CDKL1: variants seen among roughly 807,000 people sequenced by gnomAD.
CDKL1 encodes cyclin dependent kinase like 1, also known as cyclin-dependent kinase-like 1.
CDKL1 carries 41 observed loss-of-function variants against 42.0 expected under a neutral mutation model. The observed-to-expected ratio is 0.98, with a 90% CI of 0.76 to 1.27. The LOEUF (loss-of-function observed/expected upper bound fraction) is 1.27. Among genes scored for constraint, CDKL1 ranks in the 50% most tolerant of loss-of-function variants. The pLI is 0.00. For synonymous variants in CDKL1, 153 were observed against 158.6 expected (o/e 0.96, Z 0.26); for missense variants, 394 against 428.4 (o/e 0.92, Z 0.71).
intron 2 of CDKL1, among the ~76,000 whole-genome samples, chr14:50,364,611 T>C (rs1222649192): frequency 6.6e-6 from 1 of 152,132 alleles, no homozygotes; most frequent in Non-Finnish European, 1.5e-5. Context: ...ACTTATTAGC[T>C]GGTTGCCTCA....
Position 50,329,889 on chromosome 14 carries a change from A to G in CDKL1, c.*185T>C. ...GGTTTTTTCTTTTCTGGACACCATCATCAAGCATGGAAGACTGGATCTGGA... is the reference window on the plus strand; with the variant it reads ...GGTTTTTTCTTTTCTGGACACCATCGTCAAGCATGGAAGACTGGATCTGGA... On this transcript the variant is annotated 3_prime_UTR_variant, in exon 10 of 10. Transcript: ENST00000395834. 1 of 673,692 alleles carries G rather than the reference A, an allele frequency of 1.5e-6. No individual in the cohort carries two copies. Among genetic ancestry groups the G allele is most frequent in the Non-Finnish European group, 2.3e-6 (1 of 426,248 alleles). The allele number at this position is 673,692 out of a possible 1,614,324, so 41.7% of individuals were successfully genotyped here.
intron 3 of CDKL1, chr14:50,358,029 A>C (rs375216376): frequency 7.4e-7 from 1 of 1,354,748 alleles, no homozygotes; most frequent in East Asian, 4.6e-5. Context: ...CTCACCCTGC[A>C]AGAGGCTGCC....
intron 2 of CDKL1, among the ~76,000 whole-genome samples, chr14:50,389,131 A>C (rs1441971102): frequency 1.3e-5 from 2 of 151,200 alleles, no homozygotes; most frequent in Middle Eastern, 6.4e-3. Flanking sequence ...AAAGAGAGAG[A>C]AAAGAAAACT....
At chr14:50,390,192 G>C (rs1228151796) in intron 2 of CDKL1, 1 of 1,365,538 alleles carries the variant, frequency 7.3e-7, no homozygotes, top group South Asian at 1.1e-5. Context: ...TTTCTGGAGG[G>C]AGACATGTCA....
intron 7 of CDKL1, chr14:50,335,624 T>G: frequency 6.5e-7 from 1 of 1,529,894 alleles, no homozygotes. Context: ...GACATACCAC[T>G]GACAAAGGCT....
At chr14:50,353,379 T>TCCTTTCCA (rs1424277042) in intron 3 of CDKL1, among the ~76,000 whole-genome samples, 1 of 152,198 alleles carries the variant, frequency 6.6e-6, no homozygotes, top group Non-Finnish European at 1.5e-5. Context: ...ACAGAAGTCA[T>TCCTTTCCA]CCTTTCCACT....
At position 50,342,952 on chromosome 14, in the gene CDKL1, GCTCTGAGA is replaced by G. The variant is rs1566580022; in HGVS notation, c.364-738_364-731del. 4.1e-5 allele frequency: 56 copies of G among 1,357,572 alleles called. No individual in the cohort carries two copies. The Admixed American group carries it at 1.1e-3, about 26-fold the overall frequency. The allele number at this position is 1,357,572 out of a possible 1,614,324, so 84.1% of individuals were successfully genotyped here. On this transcript the variant is annotated intron_variant, in intron 4 of 9. Coordinates refer to ENST00000395834, the MANE Select transcript of CDKL1 (RefSeq NM_004196.7). ...TGTCAGCTCTGTCCCACACACAAGT[GCTCTGAGA>G]GCTGCAGCCACCCCTCGAGATGCGG...
intron 3 of CDKL1, among the ~76,000 whole-genome samples, chr14:50,350,208 G>T (rs143091503): frequency 4.5e-4 from 69 of 152,308 alleles, no homozygotes; most frequent in African/African-American, 1.6e-3. Context: ...ACTATGCCTG[G>T]CCTAAGGAAG....
chr14:50,361,920 G>A (rs1330113391), intron 2 of CDKL1, among the ~76,000 whole-genome samples: 2 of 152,378 alleles, frequency 1.3e-5, no homozygotes, highest in East Asian at 3.9e-4. Flanking sequence ...GCCAAGGCCG[G>A]AGCCGGCTCC....
chr14:50,339,218 T>C (rs1157020757), intron 6 of CDKL1, among the ~76,000 whole-genome samples, 189 bp from the exon 7 acceptor site: 1 of 152,116 alleles, frequency 6.6e-6, no homozygotes, highest in African/African-American at 2.4e-5. Flanking sequence ...GACAGCACAC[T>C]GTGTTAGGCA....
chr14:50,330,207 G>A (rs2032859950), intron 9 of CDKL1, 26 bp from the exon 10 acceptor site: 2 of 1,589,800 alleles, frequency 1.3e-6, no homozygotes, highest in Non-Finnish European at 1.7e-6. Flanking sequence ...ACAGAATTAG[G>A]TTCAAAACTG....
chr14:50,393,433 C>A (rs1850333972), intron 2 of CDKL1, among the ~76,000 whole-genome samples: 1 of 152,196 alleles, frequency 6.6e-6, no homozygotes, highest in African/African-American at 2.4e-5. Context: ...ATAAAATGTT[C>A]ATTTACCATA....
intron 8 of CDKL1, chr14:50,332,891 TA>T: frequency 5.2e-6 from 2 of 387,506 alleles, no homozygotes; most frequent in Non-Finnish European, 9.1e-6. Flanking sequence ...TTCACCCTTC[TA>T]AAATCAGCTA....
At chr14:50,340,983 C>T (rs769453928) in intron 6 of CDKL1, 49 bp downstream of exon 6, 2 of 1,594,692 alleles carry the variant, frequency 1.3e-6, no homozygotes, top group Non-Finnish European at 1.7e-6. Flanking sequence ...CTGCCCCAAC[C>T]TGGGGAAATA....
In CDKL1 at chr14:50,327,221, A is replaced by G. The variant is rs1176802859; in HGVS notation, c.*2853T>C. 6.6e-6 allele frequency: 1 copy of G among 151,616 alleles called. No homozygotes were observed. The highest frequency in any genetic ancestry group is 1.5e-5 in the Non-Finnish European group (1 of 67,970). The allele number at this position is 151,616 out of a possible 1,614,324, so 9.4% of individuals were successfully genotyped here. Reference sequence around the variant, plus strand: ...GTAGTGGCACATGCCTGTAGTCCCAACTACTCAGGAGTCTGAGGTAGGAGG... The same window carrying G: ...GTAGTGGCACATGCCTGTAGTCCCAGCTACTCAGGAGTCTGAGGTAGGAGG... On this transcript the variant is annotated 3_prime_UTR_variant, in exon 10 of 10. Transcript: ENST00000395834.
intron 1 of CDKL1, 36 bp from the exon 2 acceptor site, chr14:50,396,365 T>C (rs1332314216): frequency 3.1e-5 from 31 of 985,508 alleles, no homozygotes; most frequent in Non-Finnish European, 3.7e-5. Context: ...GAATGAAGAG[T>C]GTACCCGTGT....
intron 8 of CDKL1, chr14:50,333,606 T>C (rs1366166554): frequency 6.6e-6 from 1 of 152,310 alleles, no homozygotes; most frequent in East Asian, 1.9e-4. Context: ...CTGCTGCCTA[T>C]AGAGTAGCCA....
At chr14:50,376,500 C>A in intron 2 of CDKL1, 1 of 369,068 alleles carries the variant, frequency 2.7e-6, no homozygotes, top group Non-Finnish European at 5.6e-6. Flanking sequence ...TATATTCAGA[C>A]CAGGAAATAA....
Position 50,326,391 on chromosome 14 carries a change from T to G in CDKL1, c.*3683A>C. 5.3e-6 allele frequency: 5 copies of G among 940,306 alleles called. No homozygotes were observed. Among genetic ancestry groups the G allele is most frequent in the Non-Finnish European group, 5.1e-6 (4 of 788,886 alleles). 58.2% of individuals were successfully genotyped at this position (940,306 alleles called of 1,614,324 possible). A position where few individuals can be genotyped will look rare whatever the true frequency, so the allele number is the denominator to read the frequency against. On this transcript the variant is annotated 3_prime_UTR_variant, in exon 10 of 10. Coordinates refer to ENST00000395834, the MANE Select transcript of CDKL1 (RefSeq NM_004196.7). ...TATAACAGTAATTTACATTTAACTT[T>G]AAAGTTAGTGAAGCATACTACCATA...
Sources: gnomAD v4.1 joint callset for allele counts (sites outside exome capture counted in the v4.1 genomes callset) on GRCh38, gnomAD v4.1.1 for gene constraint, MANE v1.5 for transcripts, NCBI Gene and HGNC (gene_info 2026-07-23, HGNC 2026-07-21) for gene names.